COA5: variants seen among roughly 807,000 people sequenced by gnomAD.
The protein encoded by COA5 is protein C2orf64.
A neutral mutation model predicts 11.8 loss-of-function variants in COA5; 11 were observed. The ratio of observed to expected loss-of-function variants is 0.93; its 90% CI spans 0.59 to 1.54. The LOEUF is 1.54. Among genes scored for constraint, COA5 ranks in the 40% most tolerant of loss-of-function variants. COA5 has a pLI of 0.00. For missense variants in COA5, 87 were observed against 89.2 expected, an observed-to-expected ratio of 0.97 and a Z score of 0.10; for synonymous variants, 38 against 37.5, an observed-to-expected ratio of 1.01 and a Z score of -0.05.
rs1700744762 is a variant in COA5 at position 98,608,460 on chromosome 2, A to G, written c.-55T>C. 7.3e-7 allele frequency: 1 copy of G among 1,374,602 alleles called. No homozygotes were observed. The highest frequency in any genetic ancestry group is 1.0e-6 in the Non-Finnish European group (1 of 992,316). The allele number at this position is 1,374,602 out of a possible 1,614,324, so 85.2% of individuals were successfully genotyped here. A position where few individuals can be genotyped will look rare whatever the true frequency, so the allele number is the denominator to read the frequency against. The stretch of plus-strand genomic sequence containing the variant: ...ACTTTCTCCCACCGCAACACTTGCA[A>G]CCGGGTCGGGAGCGAGCGAGGCCCC... On this transcript the variant is annotated 5_prime_UTR_variant, in exon 1 of 3. Transcript: ENST00000328709.
intron 2 of COA5, among the ~76,000 whole-genome samples, chr2:98,602,965 C>T (rs1172179503): frequency 6.6e-6 from 1 of 152,168 alleles, no homozygotes; most frequent in African/African-American, 2.4e-5. Flanking sequence ...GAAAATCCTC[C>T]TCTATTCACA....
At chr2:98,602,740 A>G (rs1700657874) in intron 2 of COA5, 1 of 154,492 alleles carries the variant, frequency 6.5e-6, no homozygotes, top group African/African-American at 2.4e-5. Context: ...AGAAATGGTA[A>G]GATCATTTTA....
intron 1 of COA5, 115 bp downstream of exon 1, chr2:98,608,192 C>A: frequency 1.3e-6 from 1 of 753,780 alleles, no homozygotes; most frequent in South Asian, 1.5e-5. Flanking sequence ...CGAGCTGTGA[C>A]CTACGCCCGG....
chr2:98,600,608 T>C lies in COA5; in HGVS notation c.*144A>G. The C allele has an allele frequency of 4.3e-6, 3 of 704,054 alleles. No homozygotes were observed. The highest frequency in any genetic ancestry group is 7.7e-6 in the Non-Finnish European group (3 of 391,734). The allele number at this position is 704,054 out of a possible 1,614,324, so 43.6% of individuals were successfully genotyped here. ...TTTATACATATTCGAAAACAACTCA[T>C]CCACTTTCTTCAGTGTTCCACGGAG... On this transcript the variant is annotated 3_prime_UTR_variant, in exon 3 of 3. Transcript: ENST00000328709.
At position 98,600,660 on chromosome 2, in the gene COA5, G is replaced by A. The variant is rs1305553116; in HGVS notation, c.*92C>T. 55 of 1,071,102 alleles carry A rather than the reference G, an allele frequency of 5.1e-5. No individual in the cohort carries two copies. The highest frequency in any genetic ancestry group is 7.2e-5 in the Non-Finnish European group (51 of 706,492). The allele number at this position is 1,071,102 out of a possible 1,614,324, so 66.3% of individuals were successfully genotyped here. On this transcript the variant is annotated 3_prime_UTR_variant, in exon 3 of 3. Coordinates refer to ENST00000328709, the MANE Select transcript of COA5 (RefSeq NM_001008215.3). Reference sequence around the variant, plus strand: ...GGAAATCTGGTCCAACCAAACAGATGTAGTAAAAAGTATGTTTCCTGTTTT... The same window carrying A: ...GGAAATCTGGTCCAACCAAACAGATATAGTAAAAAGTATGTTTCCTGTTTT...
At chr2:98,603,084 TTC>T (rs1233951066) in intron 2 of COA5, among the ~76,000 whole-genome samples, 1 of 152,186 alleles carries the variant, frequency 6.6e-6, no homozygotes, top group Non-Finnish European at 1.5e-5. Context: ...ATGCTCCAAG[TTC>T]TTTGTTTACA....
At chr2:98,608,163 T>A (rs1559146088) in intron 1 of COA5, 144 bp downstream of exon 1, 2 of 674,734 alleles carry the variant, frequency 3.0e-6, no homozygotes, top group East Asian at 5.4e-5. Flanking sequence ...TCAGTGGATC[T>A]GCGCACGTTC....
At chr2:98,605,550 C>T (rs1200555077) in intron 1 of COA5, among the ~76,000 whole-genome samples, 2 of 152,208 alleles carry the variant, frequency 1.3e-5, no homozygotes, top group Non-Finnish European at 2.9e-5. Flanking sequence ...TTCTCTATCT[C>T]GTTTAAGCCA....
At chr2:98,604,529 T>C (rs551224836) in intron 1 of COA5, 95 of 270,188 alleles carry the variant, frequency 3.5e-4, no homozygotes, top group African/African-American at 2.0e-3. Flanking sequence ...AAAATCAGAA[T>C]ATTTTTAGTG....
At chr2:98,606,853 C>T (rs984281861) in intron 1 of COA5, among the ~76,000 whole-genome samples, 2 of 152,214 alleles carry the variant, frequency 1.3e-5, no homozygotes, top group Admixed American at 6.5e-5. Flanking sequence ...GGCCTTCTGT[C>T]GCATTCCCCT....
intron 2 of COA5, among the ~76,000 whole-genome samples, chr2:98,603,811 G>A (rs1393603020): frequency 6.6e-6 from 1 of 152,078 alleles, no homozygotes; most frequent in African/African-American, 2.4e-5. Flanking sequence ...ATCTGAACTC[G>A]AGTGGCCAAC....
intron 1 of COA5, among the ~76,000 whole-genome samples, chr2:98,605,176 G>A (rs1234158321): frequency 6.6e-6 from 1 of 152,204 alleles, no homozygotes; most frequent in Non-Finnish European, 1.5e-5. Flanking sequence ...ATAACAGACT[G>A]CTAGCTGTCT....
In COA5 at chr2:98,604,132, T is replaced by C. The variant is rs1009136628; in HGVS notation, c.159A>G (p.Ala53=). The C allele has an allele frequency of 7.4e-6, 12 of 1,613,812 alleles. No homozygotes were observed. The highest frequency in any genetic ancestry group is 1.0e-5 in the Non-Finnish European group (12 of 1,179,870). Residue 53 remains alanine (A), a synonymous_variant, in exon 2 of 3, where the codon GCA becomes GCG. Transcript: ENST00000328709. ...CCACTGATCTTTTACACTCAAAAAA[T>C]GCGTACTTCAAAGAGTTGCAGTATC... ...KEGYCNSLKY[A]FFECKRSVLD... is the part of the protein sequence containing the mutation.
chr2:98,603,906 G>A (rs1700677278), intron 2 of COA5, among the ~76,000 whole-genome samples: 1 of 152,186 alleles, frequency 6.6e-6, no homozygotes, highest in African/African-American at 2.4e-5. Context: ...TAGTTAGCAC[G>A]GTGACAGAAG....
rs1208389463 is a variant in COA5 at position 98,608,509 on chromosome 2, CG to C, written c.-105del. ...CCAGTCTCAGGGGACCGGAAGCCAGCGGCAACAACTTCCGGCGGGCCGCGGC... is the reference window on the plus strand; with the variant it reads ...CCAGTCTCAGGGGACCGGAAGCCAGCGCAACAACTTCCGGCGGGCCGCGGC... On this transcript the variant is annotated 5_prime_UTR_variant, in exon 1 of 3. Coordinates refer to ENST00000328709, the MANE Select transcript of COA5 (RefSeq NM_001008215.3). The C allele has an allele frequency of 1.1e-6, 1 of 903,612 alleles. No individual in the cohort carries two copies. Among genetic ancestry groups the C allele is most frequent in the Non-Finnish European group, 1.8e-6 (1 of 568,648 alleles). 56.0% of individuals were successfully genotyped at this position (903,612 alleles called of 1,614,324 possible).
At chr2:98,605,301 A>C (rs1575225307) in intron 1 of COA5, among the ~76,000 whole-genome samples, 1 of 152,298 alleles carries the variant, frequency 6.6e-6, no homozygotes, top group African/African-American at 2.4e-5. Flanking sequence ...ACAGGTGTAG[A>C]ACTTCTGGGT....
At chr2:98,602,052 G>C (rs1006237975) in intron 2 of COA5, among the ~76,000 whole-genome samples, 7 of 152,206 alleles carry the variant, frequency 4.6e-5, no homozygotes, top group Non-Finnish European at 1.0e-4. Context: ...AGTGTGGACA[G>C]ACAGCCATTT....
In COA5 at chr2:98,599,400, T is replaced by C. The variant is rs1280581301; in HGVS notation, c.*1352A>G. On this transcript the variant is annotated 3_prime_UTR_variant, in exon 3 of 3. Transcript: ENST00000328709. ...CAACAAAGATGACAGGGCTTTATAA[T>C]ATACATTTTAGAGTTGTTTACTTTT... 1 of 152,214 alleles carries C rather than the reference T, an allele frequency of 6.6e-6. No homozygotes were observed. Among genetic ancestry groups the C allele is most frequent in the Non-Finnish European group, 1.5e-5 (1 of 68,042 alleles). 9.4% of individuals were successfully genotyped at this position (152,214 alleles called of 1,614,324 possible). A position where few individuals can be genotyped will look rare whatever the true frequency, so the allele number is the denominator to read the frequency against.
Position 98,600,565 on chromosome 2 carries a change from A to T in COA5, c.*187T>A. 2 of 610,862 alleles carry T rather than the reference A, an allele frequency of 3.3e-6. No individual in the cohort carries two copies. The highest frequency in any genetic ancestry group is 2.9e-6 in the Non-Finnish European group (1 of 341,608). The allele number at this position is 610,862 out of a possible 1,614,324, so 37.8% of individuals were successfully genotyped here. ...GGTTTTTCTTCTAAAAATAACTTGGATCAAGAGAATCATTTACTTTATACA... is the reference window on the plus strand; with the variant it reads ...GGTTTTTCTTCTAAAAATAACTTGGTTCAAGAGAATCATTTACTTTATACA... On this transcript the variant is annotated 3_prime_UTR_variant, in exon 3 of 3. Coordinates refer to ENST00000328709, the MANE Select transcript of COA5 (RefSeq NM_001008215.3).
Sources: allele counts gnomAD v4.1 joint callset (sites outside exome capture counted in the v4.1 genomes callset), GRCh38; gene constraint gnomAD v4.1.1; transcripts MANE v1.5; gene names NCBI Gene and HGNC (gene_info 2026-07-23, HGNC 2026-07-21).